Variants in PCDHGA2 observed in about 807,000 individuals in gnomAD.
The protein encoded by PCDHGA2 is protocadherin gamma subfamily A, 2, also known as protocadherin gamma-A2.
A neutral mutation model predicts 59.2 loss-of-function variants in PCDHGA2; 40 were observed. The observed-to-expected ratio is 0.68, with a 90% CI of 0.52 to 0.88. The LOEUF is 0.88. Ranked by LOEUF, PCDHGA2 falls within the 40% of genes least tolerant of loss-of-function variation. The pLI, the probability that PCDHGA2 is intolerant of heterozygous loss-of-function variation, is 0.00. For synonymous variants in PCDHGA2, 560 were observed against 526.0 expected, an observed-to-expected ratio of 1.06 and a Z score of -0.89; for missense variants, 1,226 against 1,204.0, an observed-to-expected ratio of 1.02 and a Z score of -0.27.
chr5:141,362,137 C>T (rs1458069955), intron 1 of PCDHGA2: 1 of 1,614,034 alleles, frequency 6.2e-7, no homozygotes, highest in Admixed American at 1.7e-5. Flanking sequence ...CGCGGATAGC[C>T]TGCAAGAGGT....
chr5:141,360,957 C>T (rs990313847), intron 1 of PCDHGA2: 1 of 1,613,904 alleles, frequency 6.2e-7, no homozygotes, highest in East Asian at 2.2e-5. Context: ...AAGGCATAAA[C>T]GCAGAGATCA....
intron 1 of PCDHGA2, chr5:141,366,183 C>T (rs1265107316): frequency 6.2e-7 from 1 of 1,613,986 alleles, no homozygotes; most frequent in South Asian, 1.1e-5. Context: ...GGACTCTTTG[C>T]GGTTGGGCTG....
chr5:141,422,746 T>G (rs763386007), intron 1 of PCDHGA2: 1 of 1,611,014 alleles, frequency 6.2e-7, no homozygotes, highest in Non-Finnish European at 8.5e-7. Context: ...CTCCTATGTC[T>G]CTATTAACTC....
chr5:141,345,287 T>C (rs1757548460), intron 1 of PCDHGA2: 2 of 1,613,954 alleles, frequency 1.2e-6, no homozygotes, highest in East Asian at 4.5e-5. Context: ...TATCAGAATA[T>C]AACATTAGTC....
intron 1 of PCDHGA2, among the ~76,000 whole-genome samples, chr5:141,450,572 T>C (rs1276283357): frequency 6.6e-6 from 1 of 151,710 alleles, no homozygotes; most frequent in Non-Finnish European, 1.5e-5. Context: ...CTGCAACTTC[T>C]GCCTCCCAGG....
At chr5:141,427,777 C>A in intron 1 of PCDHGA2, 1 of 1,432,382 alleles carries the variant, frequency 7.0e-7, no homozygotes, top group Non-Finnish European at 9.7e-7. Flanking sequence ...GAGCTGCGGG[C>A]ACTGTCGTCC....
chr5:141,496,126 C>T (rs934132550), intron 2 of PCDHGA2, among the ~76,000 whole-genome samples: 2 of 152,062 alleles, frequency 1.3e-5, no homozygotes, highest in African/African-American at 4.8e-5. Context: ...CCCTGCCCCT[C>T]ACACACTGAG....
chr5:141,389,205 G>A, intron 1 of PCDHGA2: 1 of 1,614,040 alleles, frequency 6.2e-7, no homozygotes, highest in Non-Finnish European at 8.5e-7. Flanking sequence ...CCTGCACATT[G>A]GTGATGTAAA....
In PCDHGA2 at chr5:141,477,877, C is replaced by A; in HGVS notation, c.2425-16930C>A. 1 of 1,614,170 alleles carries A rather than the reference C, an allele frequency of 6.2e-7. No homozygotes were observed. The highest frequency in any genetic ancestry group is 8.5e-7 in the Non-Finnish European group (1 of 1,180,036). On this transcript the variant is annotated intron_variant, in intron 1 of 3. Transcript: ENST00000394576. This position sits in a 1 kb window ranked among gnomAD's most constrained non-coding sequence, Gnocchi z 4.9. The stretch of plus-strand genomic sequence containing the variant: ...TGCTGCCTCGAGGTACCTCAGCTGG[C>A]CACCTAGTGTCACGGGTGGTAGGCT...
chr5:141,356,753 G>A (rs1429942058), intron 1 of PCDHGA2: 1 of 1,613,978 alleles, frequency 6.2e-7, no homozygotes, highest in South Asian at 1.1e-5. Context: ...TATGCTCTTT[G>A]CTCCTTCGAC....
rs774153595 is a variant in PCDHGA2 at position 141,366,148 on chromosome 5, C to A, written c.2424+24753C>A. ...CAGGCCAGAACGCCTGGCTGTCCTA[C>A]CGCCTGCTTAAGGCCAGCGAGCCAG... On this transcript the variant is annotated intron_variant, in intron 1 of 3. Coordinates refer to ENST00000394576, the MANE Select transcript of PCDHGA2 (RefSeq NM_018915.4). 1.9e-6 allele frequency: 3 copies of A among 1,614,172 alleles called. No individual in the cohort carries two copies. The South Asian group carries it at 3.3e-5, about 18-fold the overall frequency.
chr5:141,384,106 A>G, intron 1 of PCDHGA2: 1 of 1,602,128 alleles, frequency 6.2e-7, no homozygotes, highest in Non-Finnish European at 8.5e-7. Flanking sequence ...TAATTATTAT[A>G]GATTGGTCAC....
At position 141,366,468 on chromosome 5, in the gene PCDHGA2, T is replaced by G. The variant is rs745680725; in HGVS notation, c.2424+25073T>G. 5.0e-6 allele frequency: 8 copies of G among 1,614,130 alleles called. No homozygotes were observed. The Admixed American group carries it at 5.0e-5, about 10-fold the overall frequency. On this transcript the variant is annotated intron_variant, in intron 1 of 3. Coordinates refer to ENST00000394576, the MANE Select transcript of PCDHGA2 (RefSeq NM_018915.4). ...CTGGCCTTCGTCATCGTGCTGCTGG[T>G]GCTCAGACTGAGGCGCTGGCACAAG...
intron 1 of PCDHGA2, among the ~76,000 whole-genome samples, chr5:141,397,091 A>G (rs1162135708): frequency 1.3e-5 from 2 of 152,264 alleles, no homozygotes; most frequent in Non-Finnish European, 2.9e-5. Flanking sequence ...CATTTCAGAT[A>G]GGATAATAAT....
chr5:141,413,785 C>T (rs771027783), intron 1 of PCDHGA2: 1 of 1,613,186 alleles, frequency 6.2e-7, no homozygotes, highest in Non-Finnish European at 8.5e-7. Flanking sequence ...GGAGCACTCC[C>T]TAGATCGCGA....
At position 141,352,620 on chromosome 5, in the gene PCDHGA2, C is replaced by T. The variant is rs368592075; in HGVS notation, c.2424+11225C>T. 1.8e-5 allele frequency: 29 copies of T among 1,612,472 alleles called. No homozygotes were observed. Among genetic ancestry groups the T allele is most frequent in the Non-Finnish European group, 2.3e-5 (27 of 1,179,182 alleles). On this transcript the variant is annotated intron_variant, in intron 1 of 3. Transcript: ENST00000394576. ...GATGATCCTTCTATGGTTGTATGTGCCAGTAATGAAGATCACAAAATCGCT... is the reference window on the plus strand; with the variant it reads ...GATGATCCTTCTATGGTTGTATGTGTCAGTAATGAAGATCACAAAATCGCT...
chr5:141,384,405 C>T (rs1780049839), intron 1 of PCDHGA2: 2 of 1,613,882 alleles, frequency 1.2e-6, no homozygotes, highest in Non-Finnish European at 8.5e-7. Flanking sequence ...CTCCAGTGTC[C>T]TCCTATGTCT....
chr5:141,345,155 A>C, intron 1 of PCDHGA2: 1 of 1,614,040 alleles, frequency 6.2e-7, no homozygotes, highest in Non-Finnish European at 8.5e-7. Flanking sequence ...TGCATGACCG[A>C]GATTCTGGGC....
At chr5:141,405,130 G>A in intron 1 of PCDHGA2, 1 of 1,614,012 alleles carries the variant, frequency 6.2e-7, no homozygotes, top group South Asian at 1.1e-5. Flanking sequence ...ATCTGCTGCG[G>A]GCTACCAGTG....
Sources: gnomAD v4.1 joint callset for allele counts (sites outside exome capture counted in the v4.1 genomes callset) on GRCh38, gnomAD v4.1.1 for gene constraint, Gnocchi (gnomAD v3.1) non-coding constraint, MANE v1.5 for transcripts, NCBI Gene and HGNC (gene_info 2026-07-23, HGNC 2026-07-21) for gene names.